The following EBF1 variants were observed in gnomAD, a reference collection of about 807,000 sequenced individuals.
EBF1 encodes the protein EBF transcription factor 1.
Under a neutral mutation model 68.4 loss-of-function variants are expected in EBF1, and 10 were observed. The observed-to-expected ratio is 0.15, with a 90% CI of 0.09 to 0.25. The LOEUF is 0.25. Ranked by LOEUF, EBF1 falls within the 10% of genes least tolerant of loss-of-function variation. The pLI, the probability that EBF1 is intolerant of heterozygous loss-of-function variation, is 1.00. For missense variants in EBF1, 509 were observed against 794.4 expected (o/e 0.64, Z 4.32); for synonymous variants, 298 against 299.8 (o/e 0.99, Z 0.06).
Position 159,099,566 on chromosome 5 carries a change from G to T in EBF1, c.-88C>A. On this transcript the variant is annotated 5_prime_UTR_variant, in exon 1 of 16. Coordinates refer to ENST00000313708, the MANE Select transcript of EBF1 (RefSeq NM_024007.5). ...AGGAAAGAAAAGAAAGAAAAGAAAA[G>T]AAACAAAAACGCCAACCAGAGATTT... The T allele has an allele frequency of 8.2e-7, 1 of 1,225,760 alleles. No individual in the cohort carries two copies. The highest frequency in any genetic ancestry group is 3.2e-5 in the East Asian group (1 of 31,434). The allele number at this position is 1,225,760 out of a possible 1,614,324, so 75.9% of individuals were successfully genotyped here.
At chr5:159,068,118 G>A (rs1167324659) in intron 6 of EBF1, among the ~76,000 whole-genome samples, 2 of 152,138 alleles carry the variant, frequency 1.3e-5, no homozygotes, top group Non-Finnish European at 2.9e-5. Context: ...AAAATAAGAA[G>A]AGTTGAAAGG....
intron 6 of EBF1, among the ~76,000 whole-genome samples, chr5:158,946,979 A>T (rs12153783): frequency 0.55 from 84,333 of 151,966 alleles, 23,761 homozygotes; most frequent in South Asian, 0.74. Flanking sequence ...TGGCTTTGTT[A>T]ACACTGTGAG....
Position 159,045,011 on chromosome 5 carries a change from T to C in EBF1, c.554+28385A>G, listed in dbSNP as rs554145075. On this transcript the variant is annotated intron_variant, in intron 6 of 15. Coordinates refer to ENST00000313708, the MANE Select transcript of EBF1 (RefSeq NM_024007.5). The stretch of plus-strand genomic sequence containing the variant: ...GACCTTACCAAATACATTTAATCCT[T>C]TGAATAACTGTATAAATATTTGAGT... 5.3e-4 allele frequency among the ~76,000 whole-genome samples: 81 copies of C among 152,320 alleles called. No individual in the cohort carries two copies. The South Asian group carries it at 7.9e-3, about 15-fold the overall frequency.
intron 7 of EBF1, among the ~76,000 whole-genome samples, chr5:158,827,523 T>C (rs1379389313): frequency 6.6e-6 from 1 of 152,218 alleles, no homozygotes; most frequent in Admixed American, 6.5e-5. Flanking sequence ...AGTCTAGTTT[T>C]CCCAATATTT....
intron 6 of EBF1, among the ~76,000 whole-genome samples, chr5:158,984,022 T>C (rs994572129): frequency 2.0e-5 from 3 of 151,832 alleles, no homozygotes; most frequent in African/African-American, 7.3e-5. Flanking sequence ...CTGGTTACTG[T>C]TATAATATTT....
chr5:158,942,466 C>T (rs1160612466), intron 6 of EBF1, among the ~76,000 whole-genome samples: 2 of 152,132 alleles, frequency 1.3e-5, no homozygotes, highest in African/African-American at 2.4e-5. Context: ...AGGAAAAAAA[C>T]ATTTAGCACA....
intron 6 of EBF1, chr5:158,984,625 CAG>C (rs2127593218): frequency 6.6e-6 from 1 of 151,610 alleles, no homozygotes; most frequent in Non-Finnish European, 1.5e-5. Flanking sequence ...CCATGTTTAG[CAG>C]AGTCATTGGC....
chr5:159,099,613 C>T lies in EBF1; in HGVS notation c.-135G>A. ...ATTTTTTTTTTTCTCAGACGATGAA[C>T]TCGCACTTAGAAGATCAAGGCGGGC... On this transcript the variant is annotated 5_prime_UTR_variant, in exon 1 of 16. Coordinates refer to ENST00000313708, the MANE Select transcript of EBF1 (RefSeq NM_024007.5). The T allele has an allele frequency of 3.2e-6, 4 of 1,245,286 alleles. No homozygotes were observed. The highest frequency in any genetic ancestry group is 4.2e-6 in the Non-Finnish European group (4 of 943,556). 77.1% of individuals were successfully genotyped at this position (1,245,286 alleles called of 1,614,324 possible).
chr5:158,792,000 C>T (rs1246946128), intron 9 of EBF1, among the ~76,000 whole-genome samples: 1 of 152,142 alleles, frequency 6.6e-6, no homozygotes, highest in African/African-American at 2.4e-5. Context: ...TAGTTCTGCA[C>T]ACCAGAAGCA....
At chr5:158,750,745 T>G (rs566522711) in intron 10 of EBF1, among the ~76,000 whole-genome samples, 1 of 152,156 alleles carries the variant, frequency 6.6e-6, no homozygotes, top group African/African-American at 2.4e-5. Flanking sequence ...CAAAAGTTTT[T>G]TTTAAAAATC....
intron 6 of EBF1, among the ~76,000 whole-genome samples, chr5:159,024,973 C>T (rs1767422267): frequency 1.3e-5 from 2 of 152,228 alleles, no homozygotes; most frequent in East Asian, 1.9e-4. Flanking sequence ...TAGGGCACAA[C>T]AGCAAGTGTC....
intron 9 of EBF1, among the ~76,000 whole-genome samples, chr5:158,792,546 T>C (rs1355550658): frequency 6.6e-6 from 1 of 152,220 alleles, no homozygotes; most frequent in African/African-American, 2.4e-5. Flanking sequence ...GCTGCTAATC[T>C]AAAATGTTAT....
intron 6 of EBF1, among the ~76,000 whole-genome samples, chr5:159,059,890 A>G (rs1775479167): frequency 6.6e-6 from 1 of 152,236 alleles, no homozygotes; most frequent in Non-Finnish European, 1.5e-5. Flanking sequence ...CAAATGTGGA[A>G]GCTGACACAA....
At chr5:158,702,984 C>A (rs1034450112) in intron 15 of EBF1, among the ~76,000 whole-genome samples, 1 of 151,970 alleles carries the variant, frequency 6.6e-6, no homozygotes, top group African/African-American at 2.4e-5. Context: ...TTACTCTGGC[C>A]TTTTTGTTTT....
intron 6 of EBF1, among the ~76,000 whole-genome samples, chr5:158,904,799 G>A (rs1448333586): frequency 6.6e-6 from 1 of 152,044 alleles, no homozygotes; most frequent in Non-Finnish European, 1.5e-5. Flanking sequence ...TCGCCGGTCT[G>A]CCCCAGTCCC....
intron 1 of EBF1, 121 bp from the exon 2 acceptor site, chr5:159,097,251 G>T: frequency 8.3e-7 from 1 of 1,197,862 alleles, no homozygotes; most frequent in Non-Finnish European, 1.1e-6. Context: ...ACATCCAGTG[G>T]GCGCTCTTCA....
At chr5:158,863,344 C>G (rs1056222775) in intron 6 of EBF1, among the ~76,000 whole-genome samples, 1 of 152,156 alleles carries the variant, frequency 6.6e-6, no homozygotes, top group African/African-American at 2.4e-5. Context: ...AGTTTTCCAA[C>G]GGCACACTCC....
At chr5:158,905,002 C>A (rs1438029816) in intron 6 of EBF1, among the ~76,000 whole-genome samples, 1 of 152,200 alleles carries the variant, frequency 6.6e-6, no homozygotes, top group Non-Finnish European at 1.5e-5. Context: ...ACTGTGAATT[C>A]TCATATTATT....
chr5:158,882,096 A>C (rs947123958), intron 6 of EBF1, among the ~76,000 whole-genome samples: 1 of 152,358 alleles, frequency 6.6e-6, no homozygotes, highest in East Asian at 1.9e-4. Flanking sequence ...GAGATGGTAC[A>C]CACATTACTA....
Sources: allele counts gnomAD v4.1 joint callset (sites outside exome capture counted in the v4.1 genomes callset), GRCh38; gene constraint gnomAD v4.1.1; transcripts MANE v1.5; gene names NCBI Gene and HGNC (gene_info 2026-07-23, HGNC 2026-07-21).